Variants in ZNF644 observed in about 807,000 individuals in gnomAD.
The protein encoded by ZNF644 is zinc finger motif enhancer binding protein 2.
Under a neutral mutation model 108.0 loss-of-function variants are expected in ZNF644, and 20 were observed. The ratio of observed to expected loss-of-function variants is 0.19; its 90% CI spans 0.13 to 0.27. The LOEUF (loss-of-function observed/expected upper bound fraction) is 0.27. Among genes scored for constraint, ZNF644 ranks in the 10% least tolerant of loss-of-function variants. The pLI, the probability that ZNF644 is intolerant of heterozygous loss-of-function variation, is 1.00. For synonymous variants in ZNF644, 542 were observed against 539.1 expected, an observed-to-expected ratio of 1.01 and a Z score of -0.08; for missense variants, 1,338 against 1,548.9, an observed-to-expected ratio of 0.86 and a Z score of 2.29.
chr1:90,985,666 C>T (rs1657017084), intron 1 of ZNF644, among the ~76,000 whole-genome samples: 1 of 152,120 alleles, frequency 6.6e-6, no homozygotes, highest in Non-Finnish European at 1.5e-5. Context: ...AATAGTATTC[C>T]ATTGTGCATA....
chr1:91,001,699 G>A (rs1190392079), intron 1 of ZNF644, among the ~76,000 whole-genome samples: 2 of 152,166 alleles, frequency 1.3e-5, no homozygotes, highest in South Asian at 2.1e-4. Flanking sequence ...AATCAGGCAG[G>A]AGAAAGAAAT....
chr1:90,934,332 T>C (rs1651087305), intron 4 of ZNF644, among the ~76,000 whole-genome samples: 1 of 152,076 alleles, frequency 6.6e-6, no homozygotes. Flanking sequence ...GGATCTAAGT[T>C]CTAGGACATG....
At chr1:90,987,765 G>A (rs1281206628) in intron 1 of ZNF644, among the ~76,000 whole-genome samples, 2 of 152,042 alleles carry the variant, frequency 1.3e-5, no homozygotes, top group Non-Finnish European at 2.9e-5. Context: ...GATTAATACT[G>A]ATGCAAAAAT....
At chr1:90,942,345 C>T (rs1237641516) in intron 2 of ZNF644, among the ~76,000 whole-genome samples, 1 of 152,062 alleles carries the variant, frequency 6.6e-6, no homozygotes, top group African/African-American at 2.4e-5. Context: ...TGTTTGGGGT[C>T]CATTCACACC....
intron 1 of ZNF644, among the ~76,000 whole-genome samples, chr1:91,003,163 C>G (rs967634190): frequency 1.5e-4 from 23 of 152,256 alleles, no homozygotes; most frequent in Middle Eastern, 3.4e-3. Context: ...CCATTTGACC[C>G]AGCCATCCCA....
intron 1 of ZNF644, among the ~76,000 whole-genome samples, chr1:91,001,269 C>T (rs1210255036): frequency 2.4e-4 from 36 of 152,166 alleles, no homozygotes; most frequent in East Asian, 5.8e-4. Context: ...TGATGAACAT[C>T]GATGCAAAAA....
chr1:91,021,644 C>CA (rs1553165197), intron 1 of ZNF644: 22 of 137,760 alleles, frequency 1.6e-4, no homozygotes, highest in Admixed American at 2.9e-4. Context: ...GCCCCCCCCC[C>CA]ATCCCCCCGC....
chr1:90,975,108 T>A (rs1655865273), intron 2 of ZNF644, among the ~76,000 whole-genome samples: 1 of 152,218 alleles, frequency 6.6e-6, no homozygotes, highest in Non-Finnish European at 1.5e-5. Flanking sequence ...CCTTGCCATA[T>A]TTCCATCCAG....
intron 2 of ZNF644, among the ~76,000 whole-genome samples, chr1:90,960,276 G>T (rs1035797870): frequency 6.6e-6 from 1 of 152,148 alleles, no homozygotes; most frequent in Admixed American, 6.6e-5. Context: ...CGCTGAATTG[G>T]TAAGAAGGAA....
chr1:91,001,077 T>A (rs1194611769), intron 1 of ZNF644, among the ~76,000 whole-genome samples: 1 of 152,148 alleles, frequency 6.6e-6, no homozygotes. Flanking sequence ...CAGGACCAGA[T>A]GGGTTCACAG....
At chr1:90,960,381 T>G (rs957012191) in intron 2 of ZNF644, among the ~76,000 whole-genome samples, 2 of 152,080 alleles carry the variant, frequency 1.3e-5, no homozygotes, top group African/African-American at 4.8e-5. Flanking sequence ...GAAAAGGCAT[T>G]AAATGTATGG....
chr1:90,925,571 AT>A (rs1649935276), intron 4 of ZNF644, among the ~76,000 whole-genome samples: 1 of 151,850 alleles, frequency 6.6e-6, no homozygotes, highest in Admixed American at 6.6e-5. Flanking sequence ...TGAAGATATA[AT>A]TAGATATATT....
At chr1:91,015,712 T>C (rs910044284) in intron 1 of ZNF644, among the ~76,000 whole-genome samples, 2 of 152,212 alleles carry the variant, frequency 1.3e-5, no homozygotes, top group Admixed American at 6.5e-5. Context: ...AGGCACACTT[T>C]GATGCCTACC....
chr1:90,965,796 C>A (rs531697363), intron 2 of ZNF644, among the ~76,000 whole-genome samples: 1 of 152,252 alleles, frequency 6.6e-6, no homozygotes, highest in East Asian at 1.9e-4. Flanking sequence ...GTTGCCCAGG[C>A]TGGAACGCAG....
At chr1:90,965,728 G>T (rs1342088109) in intron 2 of ZNF644, among the ~76,000 whole-genome samples, 1 of 152,092 alleles carries the variant, frequency 6.6e-6, no homozygotes, top group African/African-American at 2.4e-5. Flanking sequence ...AATGCACTTT[G>T]TCCTAGACCC....
intron 2 of ZNF644, among the ~76,000 whole-genome samples, chr1:90,960,053 A>AT (rs1654172721): frequency 1.3e-5 from 2 of 152,106 alleles, no homozygotes; most frequent in African/African-American, 4.8e-5. Context: ...TGGTTATCAG[A>AT]TTGACTGTCA....
chr1:90,952,549 G>A (rs1286900682), intron 2 of ZNF644, among the ~76,000 whole-genome samples: 1 of 151,842 alleles, frequency 6.6e-6, no homozygotes, highest in Non-Finnish European at 1.5e-5. Flanking sequence ...AACAGAAACA[G>A]AAATCACTGT....
At chr1:91,003,341 C>T (rs1162924977) in intron 1 of ZNF644, among the ~76,000 whole-genome samples, 3 of 152,098 alleles carry the variant, frequency 2.0e-5, no homozygotes, top group Admixed American at 6.6e-5. Flanking sequence ...CCATGGAATA[C>T]TATGCAGCCA....
chr1:90,938,264 G>A lies in ZNF644; in HGVS notation c.3082+8C>T, dbSNP rs370305084. The A allele has an allele frequency of 4.3e-5, 70 of 1,613,828 alleles. No homozygotes were observed. The highest frequency in any genetic ancestry group is 5.8e-5 in the Non-Finnish European group (69 of 1,179,882). ...TATCAGCCCAAATCATCCCCATGGA[G>A]AACTTACCTTTTCTAACTCGTTTAA... On this transcript the variant is annotated splice_region_variant and intron_variant, in intron 3 of 5. Transcript: ENST00000337393. This position sits in a 1 kb window ranked among gnomAD's most constrained non-coding sequence, Gnocchi z 4.2.
Sources: allele counts gnomAD v4.1 joint callset (sites outside exome capture counted in the v4.1 genomes callset), GRCh38; gene constraint gnomAD v4.1.1; non-coding constraint Gnocchi (gnomAD v3.1); transcripts MANE v1.5; gene names NCBI Gene and HGNC (gene_info 2026-07-23, HGNC 2026-07-21).